Variants in R3HDM1 observed in about 807,000 individuals in gnomAD.
R3HDM1 encodes the protein R3H domain-containing protein 1.
R3HDM1 carries 46 observed loss-of-function variants against 141.1 expected under a neutral mutation model. The observed-to-expected ratio is 0.33, with a 90% confidence interval of 0.26 to 0.42. The LOEUF (loss-of-function observed/expected upper bound fraction) is 0.42, where lower values mean the gene tolerates loss of function less well. Ranked by LOEUF, R3HDM1 falls within the 10% of genes least tolerant of loss-of-function variation. The pLI, the probability that R3HDM1 is intolerant of heterozygous loss-of-function variation, is 1.00. For synonymous variants in R3HDM1, 435 were observed against 472.9 expected (o/e 0.92, Z 1.04); for missense variants, 1,184 against 1,368.3 (o/e 0.87, Z 2.12).
chr2:135,715,499 A>G, intron 23 of R3HDM1, 51 bp from the exon 24 acceptor site: 1 of 1,575,760 alleles, frequency 6.3e-7, no homozygotes, highest in African/African-American at 1.4e-5. Flanking sequence ...AGAATAAAAA[A>G]TAAGCCTGCC....
chr2:135,700,334 G>A (rs988720919), intron 21 of R3HDM1, among the ~76,000 whole-genome samples: 1 of 152,164 alleles, frequency 6.6e-6, no homozygotes, highest in African/African-American at 2.4e-5. Context: ...AGTTTTAAAG[G>A]TGTTTGTTCT....
chr2:135,581,780 T>G (rs1161887539), intron 1 of R3HDM1, among the ~76,000 whole-genome samples: 3 of 152,238 alleles, frequency 2.0e-5, no homozygotes, highest in Non-Finnish European at 4.4e-5. Flanking sequence ...TCTTCATTTT[T>G]CTTTCCCAGT....
At chr2:135,620,458 G>A in intron 5 of R3HDM1, 10 of 958,930 alleles carry the variant, frequency 1.0e-5, no homozygotes, top group South Asian at 4.8e-5. Flanking sequence ...AAAAGCAAGT[G>A]TTTGTCATCC....
intron 1 of R3HDM1, among the ~76,000 whole-genome samples, chr2:135,541,249 G>A (rs948485151): frequency 6.6e-5 from 10 of 152,164 alleles, no homozygotes; most frequent in African/African-American, 2.4e-4. Context: ...CACCCAGGCT[G>A]GAGTGCAGTA....
At chr2:135,630,389 T>G (rs2062591931) in intron 7 of R3HDM1, among the ~76,000 whole-genome samples, 1 of 149,330 alleles carries the variant, frequency 6.7e-6, no homozygotes, top group Admixed American at 6.7e-5. Flanking sequence ...TGGGATATAC[T>G]AAGGAGAAGC....
rs901434688 is a variant in R3HDM1, at chr2:135,630,064, A to T, written c.498-1654A>T. Among the ~76,000 whole-genome samples, 4 of 151,566 alleles carry T rather than the reference A, an allele frequency of 2.6e-5. 1 individual carries two copies. The highest frequency in any genetic ancestry group is 5.9e-5 in the Non-Finnish European group (4 of 67,882). On this transcript the variant is annotated intron_variant, in intron 7 of 26. Coordinates refer to ENST00000683871, the MANE Select transcript of R3HDM1 (RefSeq NM_001378107.1). Reference sequence around the variant, plus strand: ...TTTGAAAAAGGATGATTTAAAAAAAAAAAAAACCTTCGAGACCAGCCTGAC... The same window carrying T: ...TTTGAAAAAGGATGATTTAAAAAAATAAAAAACCTTCGAGACCAGCCTGAC...
chr2:135,719,877 G>A (rs1485247810), intron 24 of R3HDM1, among the ~76,000 whole-genome samples: 2 of 149,288 alleles, frequency 1.3e-5, no homozygotes, highest in South Asian at 2.1e-4. Context: ...ACGGAGTCTC[G>A]CCCTGTTGCC....
intron 1 of R3HDM1, among the ~76,000 whole-genome samples, chr2:135,587,323 G>C (rs1481968295): frequency 6.6e-6 from 1 of 152,064 alleles, no homozygotes; most frequent in Non-Finnish European, 1.5e-5. Context: ...TCTGGAATTA[G>C]CTGAAATTTT....
chr2:135,586,880 A>T, intron 1 of R3HDM1: 1 of 985,252 alleles, frequency 1.0e-6, no homozygotes. Flanking sequence ...CTTAAAATAG[A>T]CATACTATAT....
chr2:135,683,091 T>C (rs372954455), intron 21 of R3HDM1, among the ~76,000 whole-genome samples: 1 of 152,216 alleles, frequency 6.6e-6, no homozygotes, highest in Non-Finnish European at 1.5e-5. Context: ...AAGCTGACAG[T>C]AGTGATTGGT....
chr2:135,722,055 T>G (rs1207961207), intron 25 of R3HDM1, 49 bp downstream of exon 25: 2 of 1,552,098 alleles, frequency 1.3e-6, no homozygotes, highest in African/African-American at 2.7e-5. Flanking sequence ...ACATCATAGC[T>G]CCCTCAGAGT....
chr2:135,632,038 T>G, intron 9 of R3HDM1, 37 bp downstream of exon 9: 3 of 1,427,776 alleles, frequency 2.1e-6, no homozygotes, highest in Non-Finnish European at 2.9e-6. Flanking sequence ...ATTATATATC[T>G]AAATAATAAT....
chr2:135,598,661 CAG>C (rs1365278907), intron 1 of R3HDM1, among the ~76,000 whole-genome samples: 1 of 152,080 alleles, frequency 6.6e-6, no homozygotes, highest in East Asian at 1.9e-4. Flanking sequence ...TGTTGTAGGA[CAG>C]AGTGATAATA....
chr2:135,683,383 G>C (rs1428284590), intron 21 of R3HDM1, among the ~76,000 whole-genome samples: 1 of 151,734 alleles, frequency 6.6e-6, no homozygotes, highest in Non-Finnish European at 1.5e-5. Context: ...TTGAAACCCT[G>C]TCTCCACTAA....
intron 9 of R3HDM1, 40 bp from the exon 10 acceptor site, chr2:135,635,850 A>G: frequency 6.5e-7 from 1 of 1,546,568 alleles, no homozygotes; most frequent in South Asian, 1.3e-5. Flanking sequence ...ATTGTTCATT[A>G]TCTTTTCCTG....
intron 1 of R3HDM1, among the ~76,000 whole-genome samples, chr2:135,559,527 T>A (rs2104954599): frequency 6.6e-6 from 1 of 152,348 alleles, no homozygotes; most frequent in South Asian, 2.1e-4. Flanking sequence ...TTCTAATTTA[T>A]ACTATTTTTG....
At position 135,583,644 on chromosome 2, in the gene R3HDM1, A is replaced by C. The variant is rs1707265573; in HGVS notation, c.-249-18856A>C. 3 of 771,298 alleles carry C rather than the reference A, an allele frequency of 3.9e-6. No individual in the cohort carries two copies. The South Asian group carries it at 1.8e-4, about 45-fold the overall frequency. The allele number at this position is 771,298 out of a possible 1,614,324, so 47.8% of individuals were successfully genotyped here. ...GAGATGTGTTAAATTTCTTTTAAAA[A>C]TTGTTACCCTAAGATGGCCCTTGGC... is the stretch of plus-strand genomic sequence containing the variant. On this transcript the variant is annotated intron_variant, in intron 1 of 26. Transcript: ENST00000683871.
chr2:135,670,271 A>G, intron 19 of R3HDM1: 3 of 967,398 alleles, frequency 3.1e-6, no homozygotes, highest in Non-Finnish European at 3.7e-6. Context: ...AAGTGAAAAG[A>G]CAGGGATTTG....
intron 7 of R3HDM1, among the ~76,000 whole-genome samples, chr2:135,626,205 G>GTGTGTGCTTGCTTGCTTGCTTGCTTGCT (rs769901090): frequency 6.0e-4 from 70 of 116,226 alleles, no homozygotes; most frequent in African/African-American, 2.7e-3. Flanking sequence ...GCGTGCGTGC[G>GTGTGTGCTTGCTTGCTTGCTTGCTTGCT]TGCGTGCTTG....
Sources: gnomAD v4.1 joint callset for allele counts (sites outside exome capture counted in the v4.1 genomes callset) on GRCh38, gnomAD v4.1.1 for gene constraint, MANE v1.5 for transcripts, NCBI Gene and HGNC (gene_info 2026-07-23, HGNC 2026-07-21) for gene names.